MAPK9: variants seen among roughly 807,000 people sequenced by gnomAD.
The protein encoded by MAPK9 is mitogen-activated protein kinase 9.
MAPK9 carries 30 observed loss-of-function variants against 57.1 expected under a neutral mutation model. The observed-to-expected ratio is 0.53, with a 90% CI of 0.39 to 0.71. The LOEUF (loss-of-function observed/expected upper bound fraction) is 0.71. Among genes scored for constraint, MAPK9 ranks in the 30% least tolerant of loss-of-function variants. The pLI is 0.00. For missense variants in MAPK9, 362 were observed against 521.0 expected, an observed-to-expected ratio of 0.69 and a Z score of 2.97; for synonymous variants, 155 against 177.0, an observed-to-expected ratio of 0.88 and a Z score of 0.99.
chr5:180,251,466 A>G (rs910603126), intron 5 of MAPK9, among the ~76,000 whole-genome samples: 12 of 152,230 alleles, frequency 7.9e-5, no homozygotes, highest in Non-Finnish European at 7.3e-5. Context: ...TTTAACAGGA[A>G]AAGCACACTT....
intron 2 of MAPK9, among the ~76,000 whole-genome samples, chr5:180,276,407 G>A (rs908074101): frequency 5.3e-5 from 8 of 151,942 alleles, no homozygotes; most frequent in African/African-American, 1.2e-4. Context: ...TACTATTTTG[G>A]CCAAACTTGA....
intron 1 of MAPK9, among the ~76,000 whole-genome samples, chr5:180,289,743 A>G (rs576660765): frequency 1.2e-4 from 19 of 152,288 alleles, no homozygotes; most frequent in African/African-American, 4.6e-4. Context: ...CCAGTCCTGG[A>G]GGATGACGAT....
intron 1 of MAPK9, among the ~76,000 whole-genome samples, chr5:180,281,525 T>C (rs1762314287): frequency 6.6e-6 from 1 of 152,232 alleles, no homozygotes; most frequent in African/African-American, 2.4e-5. Flanking sequence ...TAAAACTACA[T>C]AGCCAACAAT....
intron 1 of MAPK9, among the ~76,000 whole-genome samples, chr5:180,285,708 A>G (rs572172858): frequency 1.3e-5 from 2 of 152,054 alleles, no homozygotes; most frequent in East Asian, 3.9e-4. Flanking sequence ...AGGATCACTT[A>G]AGCCCAAGAG....
At chr5:180,241,922 C>T (rs987319627) in intron 8 of MAPK9, among the ~76,000 whole-genome samples, 1 of 152,180 alleles carries the variant, frequency 6.6e-6, no homozygotes, top group Non-Finnish European at 1.5e-5. Flanking sequence ...TCTCACATTC[C>T]CACAGGATAA....
chr5:180,276,292 T>C (rs1295179361), intron 2 of MAPK9, among the ~76,000 whole-genome samples: 1 of 152,244 alleles, frequency 6.6e-6, no homozygotes, highest in Non-Finnish European at 1.5e-5. Flanking sequence ...AATTATTTCA[T>C]GTTAAGGCTG....
intron 3 of MAPK9, among the ~76,000 whole-genome samples, chr5:180,266,007 CA>C (rs1195793536): frequency 2.8e-5 from 4 of 144,566 alleles, no homozygotes; most frequent in Non-Finnish European, 4.6e-5. Context: ...TAAAATGAAA[CA>C]AAAAATGGGT....
chr5:180,246,092 G>A (rs1026077326), intron 7 of MAPK9: 36 of 152,094 alleles, frequency 2.4e-4, no homozygotes, highest in African/African-American at 8.0e-4. Context: ...TTTCATTTTT[G>A]TACTTTTTGA....
Position 180,241,159 on chromosome 5 carries a change from G to T in MAPK9, c.872-4C>A. ...AACAGATCTCTGGCTTGACTTGCTA[G>T]GGTGACAACAAATATTAAATTAATG... is the stretch of plus-strand genomic sequence containing the variant. On this transcript the variant is annotated splice_region_variant and splice_polypyrimidine_tract_variant and intron_variant, in intron 8 of 11. Transcript: ENST00000452135. The T allele has an allele frequency of 6.2e-7, 1 of 1,609,114 alleles. No individual in the cohort carries two copies. Among genetic ancestry groups the T allele is most frequent in the East Asian group, 2.2e-5 (1 of 44,798 alleles).
At position 180,247,202 on chromosome 5, in the gene MAPK9, C is replaced by A; in HGVS notation, c.688+237G>T. 1.8e-6 allele frequency: 1 copy of A among 552,308 alleles called. No individual in the cohort carries two copies. Among genetic ancestry groups the A allele is most frequent in the South Asian group, 2.5e-5 (1 of 39,314 alleles). The allele number at this position is 552,308 out of a possible 1,614,324, so 34.2% of individuals were successfully genotyped here. The stretch of plus-strand genomic sequence containing the variant: ...TGGCAAAATTAAGAGCTAATATAAT[C>A]GGTTTAACTGAACTCTAAGTCTCAA... On this transcript the variant is annotated intron_variant, in intron 7 of 11. Coordinates refer to ENST00000452135, the MANE Select transcript of MAPK9 (RefSeq NM_002752.5). The surrounding 1 kb of genome is among the most constrained non-coding windows in gnomAD (Gnocchi z 4.5).
At chr5:180,265,873 A>G (rs1760484709) in intron 3 of MAPK9, among the ~76,000 whole-genome samples, 1 of 152,220 alleles carries the variant, frequency 6.6e-6, no homozygotes, top group Non-Finnish European at 1.5e-5. Flanking sequence ...AAAACTCTAA[A>G]TGGAACAAAG....
Position 180,236,344 on chromosome 5 carries a change from G to C in MAPK9, c.*40C>G, listed in dbSNP as rs764020566. On this transcript the variant is annotated 3_prime_UTR_variant, in exon 12 of 12. Coordinates refer to ENST00000452135, the MANE Select transcript of MAPK9 (RefSeq NM_002752.5). ...AAGCATTTCAGGCCCACGGAGGTGA[G>C]AGTTCCTTCAATGCTGACAGGTTTG... 1.7e-5 allele frequency: 26 copies of C among 1,569,106 alleles called. No individual in the cohort carries two copies. In the Admixed American group the frequency reaches 3.7e-4, roughly 22 times the overall value.
At chr5:180,265,972 G>A (rs941060350) in intron 3 of MAPK9, among the ~76,000 whole-genome samples, 8 of 151,098 alleles carry the variant, frequency 5.3e-5, no homozygotes, top group African/African-American at 1.7e-4. Context: ...AAACATGACA[G>A]GAAACCTAAG....
At chr5:180,262,789 T>C (rs911696391) in intron 4 of MAPK9, among the ~76,000 whole-genome samples, 7 of 152,132 alleles carry the variant, frequency 4.6e-5, no homozygotes, top group Non-Finnish European at 1.0e-4. Flanking sequence ...CAGCCACCAT[T>C]CTGCTGAAAC....
chr5:180,238,348 T>C lies in MAPK9; in HGVS notation c.1116A>G (p.Val372=), dbSNP rs1458615627. 1 of 1,612,692 alleles carries C rather than the reference T, an allele frequency of 6.2e-7. No individual in the cohort carries two copies. The highest frequency in any genetic ancestry group is 8.5e-7 in the Non-Finnish European group (1 of 1,178,920). ...ATCACTAACCTGAAGGCTGATCTTT[T>C]ACAACACCATTCTTGCTTCTTTCTT... The part of the protein sequence containing the change: ...DWEERSKNGV[V]KDQPSDAAVS... Residue 372 remains valine (V), a synonymous_variant, in exon 11 of 12, where the codon GTA becomes GTG. Transcript: ENST00000452135.
At position 180,286,148 on chromosome 5, in the gene MAPK9, C is replaced by CTT. The variant is rs554112535; in HGVS notation, c.-47-5542_-47-5541dup. Among the ~76,000 whole-genome samples the CTT allele has an allele frequency of 1.2e-3, 133 of 111,572 alleles. 6 individuals are homozygous for CTT. Among genetic ancestry groups the CTT allele is most frequent in the African/African-American group, 2.6e-3 (75 of 28,602 alleles). The allele number at this position is 111,572 out of a possible 152,430, so 73.2% of individuals were successfully genotyped here. A position where few individuals can be genotyped will look rare whatever the true frequency, so the allele number is the denominator to read the frequency against. ...ACTGTAATTCTTTATTCTTTCTTTT[C>CTT]TTTTTTTTTTTTTTTGAGACGGAGT... is the stretch of plus-strand genomic sequence containing the variant. On this transcript the variant is annotated intron_variant, in intron 1 of 11. Transcript: ENST00000452135.
chr5:180,252,848 C>T (rs35106284), intron 5 of MAPK9, among the ~76,000 whole-genome samples: 2,300 of 150,822 alleles, frequency 0.015, 54 homozygotes, highest in African/African-American at 0.053. Context: ...AAAGAGCCAG[C>T]AGAGAGACCA....
intron 7 of MAPK9, among the ~76,000 whole-genome samples, chr5:180,243,647 C>T (rs555919057): frequency 1.4e-4 from 22 of 152,302 alleles, no homozygotes; most frequent in African/African-American, 5.3e-4. Flanking sequence ...ACCTAGGGAA[C>T]TGGTACATGA....
At chr5:180,242,816 G>A in intron 7 of MAPK9, 61 bp from the exon 8 acceptor site, 2 of 1,321,584 alleles carry the variant, frequency 1.5e-6, no homozygotes, top group Non-Finnish European at 2.1e-6. Context: ...ACATGCGGCA[G>A]CATCACTTGA....
Sources: gnomAD v4.1 joint callset for allele counts (sites outside exome capture counted in the v4.1 genomes callset) on GRCh38, gnomAD v4.1.1 for gene constraint, Gnocchi (gnomAD v3.1) non-coding constraint, MANE v1.5 for transcripts, NCBI Gene and HGNC (gene_info 2026-07-23, HGNC 2026-07-21) for gene names.